Variants in CHRNE observed in about 807,000 individuals in gnomAD.
CHRNE encodes the protein acetylcholine receptor subunit epsilon.
In CHRNE, 58 loss-of-function variants were observed where a neutral mutation model predicts 56.5. The observed-to-expected ratio is 1.03, with a 90% CI of 0.83 to 1.28. The LOEUF (loss-of-function observed/expected upper bound fraction) is 1.28. Among genes scored for constraint, CHRNE ranks in the 50% most tolerant of loss-of-function variants. The pLI is 0.00. For synonymous variants in CHRNE, 385 were observed against 297.9 expected, an observed-to-expected ratio of 1.29 and a Z score of -3.01; for missense variants, 793 against 688.9, an observed-to-expected ratio of 1.15 and a Z score of -1.69.
rs755161498 is a variant in CHRNE, at chr17:4,903,042, C to T, written c.22G>A (p.Val8Ile). The change falls in exon 1 of 12, where the codon GTC becomes ATC. Residue 8 changes from valine (V) to isoleucine (I), a missense_variant. Physicochemically the swap from Val to Ile is conservative, Grantham distance 29. Transcript: ENST00000649488. MARAPLGVLLLLGLLGRG... is the reference protein window; with the variant it reads MARAPLGILLLLGLLGRG... Reference sequence around the variant, plus strand: ...CCGAGAAGCCCCAAGAGGAGCAGGACCCCAAGCGGAGCCCTTGCCATCCTG... The same window carrying T: ...CCGAGAAGCCCCAAGAGGAGCAGGATCCCAAGCGGAGCCCTTGCCATCCTG... 1 of 1,614,018 alleles carries T rather than the reference C, an allele frequency of 6.2e-7. No individual in the cohort carries two copies. The highest frequency in any genetic ancestry group is 1.1e-5 in the South Asian group (1 of 91,056).
In CHRNE at chr17:4,901,124, T is replaced by G. The variant is rs1308100008; in HGVS notation, c.668A>C (p.Asp223Ala). 6.2e-7 allele frequency: 1 copy of G among 1,612,640 alleles called. No homozygotes were observed. The highest frequency in any genetic ancestry group is 8.5e-7 in the Non-Finnish European group (1 of 1,179,894). ...VIRRHHGGAT[D>A]GPGETDVIYS... The stretch of plus-strand genomic sequence containing the variant: ...GATGACGTCAGTCTCCCCTGGGCCG[T>G]CGGTGGCGCCACCGTGGTGGCGGCG... Residue 223 changes from aspartate to alanine, a missense_variant, in exon 7 of 12, where the codon GAC (aspartate) becomes GCC (alanine). By Grantham distance (126) the Asp-to-Ala change is moderately radical. Coordinates refer to ENST00000649488, the MANE Select transcript of CHRNE (RefSeq NM_000080.4).
At position 4,902,203 on chromosome 17, in the gene CHRNE, G is replaced by C; in HGVS notation, c.344+14C>G. ...CCGGCTTCCCTCCAGCCTGGCGTCT[G>C]GCCCGGTTCTCACTTGTTTTCCAGC... is the stretch of plus-strand genomic sequence containing the variant. On this transcript the variant is annotated intron_variant, in intron 4 of 11. Coordinates refer to ENST00000649488, the MANE Select transcript of CHRNE (RefSeq NM_000080.4). The surrounding 1 kb of genome is among the most constrained non-coding windows in gnomAD (Gnocchi z 4.0). The C allele has an allele frequency of 1.2e-6, 2 of 1,613,816 alleles. No individual in the cohort carries two copies. Among genetic ancestry groups the C allele is most frequent in the Non-Finnish European group, 1.7e-6 (2 of 1,179,858 alleles).
intron 8 of CHRNE, 62 bp from the exon 9 acceptor site, chr17:4,899,644 G>T (rs947375390): frequency 7.5e-6 from 11 of 1,461,860 alleles, no homozygotes; most frequent in Non-Finnish European, 1.0e-5. Flanking sequence ...GGCGCCGCGC[G>T]CTGACCTCAC....
Position 4,902,857 on chromosome 17 carries a change from A to G in CHRNE, c.47-94T>C. The G allele has an allele frequency of 6.3e-7, 1 of 1,589,968 alleles. No homozygotes were observed. On this transcript the variant is annotated intron_variant, in intron 1 of 11. Coordinates refer to ENST00000649488, the MANE Select transcript of CHRNE (RefSeq NM_000080.4). The surrounding 1 kb of genome is among the most constrained non-coding windows in gnomAD (Gnocchi z 4.0). The stretch of plus-strand genomic sequence containing the variant: ...TCCCCTGGGTCCTCACAGGCCTCTG[A>G]GGCTGTGTACTATCAGTATCTGTCT...
At position 4,902,654 on chromosome 17, in the gene CHRNE, G is replaced by T. The variant is rs1465162373; in HGVS notation, c.156C>A (p.Ser52Arg). The stretch of plus-strand genomic sequence containing the variant: ...TGAGATTCGTCAGGGTGACCTTGAG[G>T]CTGATGGTGACAGTATCCTCAGGCT... ...VREPEDTVTI[S>R]LKVTLTNLIS... Residue 52 changes from serine to arginine, a missense_variant, in exon 2 of 12, where the codon AGC becomes AGA. Coordinates refer to ENST00000649488, the MANE Select transcript of CHRNE (RefSeq NM_000080.4). The surrounding 1 kb of genome is among the most constrained non-coding windows in gnomAD (Gnocchi z 4.0). 6.2e-7 allele frequency: 1 copy of T among 1,614,054 alleles called. No individual in the cohort carries two copies. Among genetic ancestry groups the T allele is most frequent in the Non-Finnish European group, 8.5e-7 (1 of 1,179,988 alleles).
upstream of CHRNE, among the ~76,000 whole-genome samples, chr17:4,904,242 A>G (rs568743433): frequency 1.3e-5 from 2 of 151,880 alleles, no homozygotes; most frequent in Admixed American, 1.3e-4. Context: ...TGTCACCCAG[A>G]CAGGAGTACA....
At chr17:4,900,931 G>C (rs761293676) in intron 7 of CHRNE, 24 bp from the exon 8 acceptor site, 16 of 1,613,924 alleles carry the variant, frequency 9.9e-6, no homozygotes, top group Non-Finnish European at 1.2e-5. Context: ...CAGTGAGAGC[G>C]GGCCCCGCCT....
At position 4,898,302 on chromosome 17, in the gene CHRNE, G is replaced by C. The variant is rs77966333; in HGVS notation, c.*434C>G. 1.4e-5 allele frequency: 4 copies of C among 278,666 alleles called. No homozygotes were observed. Among genetic ancestry groups the C allele is most frequent in the African/African-American group, 2.2e-5 (1 of 45,386 alleles). The allele number at this position is 278,666 out of a possible 1,614,324, so 17.3% of individuals were successfully genotyped here. Reference sequence around the variant, plus strand: ...CACTGAAGGTGTTTGGTTCCCACCCGCTCCAGCAGAGCCAGACCAGGGAAG... The same window carrying C: ...CACTGAAGGTGTTTGGTTCCCACCCCCTCCAGCAGAGCCAGACCAGGGAAG... On this transcript the variant is annotated 3_prime_UTR_variant, in exon 12 of 12. Transcript: ENST00000649488.
At chr17:4,899,730 A>G in intron 8 of CHRNE, 148 bp from the exon 9 acceptor site, 3 of 1,542,244 alleles carry the variant, frequency 1.9e-6, no homozygotes, top group Non-Finnish European at 2.6e-6. Context: ...CGCGTCCCCC[A>G]GCCCTTCTCC....
chr17:4,898,916 TAA>T (rs1441774413), intron 11 of CHRNE, 25 bp from the exon 12 acceptor site: 2 of 1,569,922 alleles, frequency 1.3e-6, no homozygotes, highest in South Asian at 2.3e-5. Context: ...GCACAGTCAG[TAA>T]AGAGGCAGCT....
rs1336284577 is a variant in CHRNE at position 4,901,528 on chromosome 17, T to C, written c.598A>G (p.Thr200Ala). 9.3e-6 allele frequency: 15 copies of C among 1,613,860 alleles called. No homozygotes were observed. In the African/African-American group the frequency reaches 1.6e-4, roughly 17 times the overall value. ...NKIDIDTEAY[T>A]ENGEWAIDFC... ...TCTGAGCAGGCAGGGGCTTCACCAG[T>C]ATAGGCCTCTGTGTCGATGTCGATC... Residue 200 changes from threonine to alanine, a missense_variant, in exon 6 of 12, where the codon ACT becomes GCT. Coordinates refer to ENST00000649488, the MANE Select transcript of CHRNE (RefSeq NM_000080.4).
chr17:4,901,871 CCCGCCCCATAAGG>C, intron 5 of CHRNE, 48 bp downstream of exon 5: 13 of 1,494,820 alleles, frequency 8.7e-6, no homozygotes, highest in African/African-American at 1.4e-5. Context: ...CCCGGTTGGC[CCCGCCCCATAAGG>C]CCCCCCCCCA....
At chr17:4,899,630 C>G (rs1404591514) in intron 8 of CHRNE, 48 bp from the exon 9 acceptor site, 7 of 1,487,064 alleles carry the variant, frequency 4.7e-6, no homozygotes, top group Middle Eastern at 3.7e-4. Context: ...TCCCAGCTAC[C>G]GAAGGCGCCG....
Position 4,898,683 on chromosome 17 carries a change from T to C in CHRNE, c.*53A>G. 1 of 1,580,544 alleles carries C rather than the reference T, an allele frequency of 6.3e-7. No individual in the cohort carries two copies. The highest frequency in any genetic ancestry group is 1.2e-5 in the South Asian group (1 of 86,576). On this transcript the variant is annotated 3_prime_UTR_variant, in exon 12 of 12. Coordinates refer to ENST00000649488, the MANE Select transcript of CHRNE (RefSeq NM_000080.4). ...ATGCCGTGGTGGCGGCAGCCTACTT[T>C]TTCAAAATCAATTTCCTACTGGAGA... is the stretch of plus-strand genomic sequence containing the variant.
rs534347172 is a variant in CHRNE, at chr17:4,900,703, G to A, written c.917+90C>T. ...CCGAATAAAGCCCAGGGCGGGGCGA[G>A]ACAGCCAGAGCTTTTCCCGGGGTCT... is the stretch of plus-strand genomic sequence containing the variant. On this transcript the variant is annotated intron_variant, in intron 8 of 11. Transcript: ENST00000649488. The A allele has an allele frequency of 1.6e-5, 24 of 1,476,070 alleles. No homozygotes were observed. In the African/African-American group the frequency reaches 3.2e-4, roughly 20 times the overall value. 91.4% of individuals were successfully genotyped at this position (1,476,070 alleles called of 1,614,324 possible). A position where few individuals can be genotyped will look rare whatever the true frequency, so the allele number is the denominator to read the frequency against.
At chr17:4,900,527 G>A in intron 8 of CHRNE, 1 of 1,550,796 alleles carries the variant, frequency 6.4e-7, no homozygotes, top group Non-Finnish European at 8.7e-7. Flanking sequence ...GACACGGGGT[G>A]AGTTAGGGGC....
rs958190024 is a variant in CHRNE at position 4,899,519 on chromosome 17, G to A, written c.981C>T (p.Asn327=). ...LIVMNCVIVL[N]VSQRTPTTHA... is the part of the protein sequence containing the mutation. ...GGGTGGTGGGCGTCCGCTGGGACACGTTGAGCACGATGACGCAATTCATGA... is the reference window on the plus strand; with the variant it reads ...GGGTGGTGGGCGTCCGCTGGGACACATTGAGCACGATGACGCAATTCATGA... Residue 327 remains asparagine, a synonymous_variant, in exon 9 of 12, where the codon AAC becomes AAT. Coordinates refer to ENST00000649488, the MANE Select transcript of CHRNE (RefSeq NM_000080.4). 11 of 1,604,726 alleles carry A rather than the reference G, an allele frequency of 6.9e-6. No individual in the cohort carries two copies. Among genetic ancestry groups the A allele is most frequent in the Non-Finnish European group, 9.3e-6 (11 of 1,176,902 alleles).
upstream of CHRNE, among the ~76,000 whole-genome samples, chr17:4,907,172 TA>T (rs958335227): frequency 1.3e-5 from 2 of 149,666 alleles, no homozygotes; most frequent in African/African-American, 2.5e-5. Context: ...TTGTACATGT[TA>T]AAAAAAACTT....
intron 8 of CHRNE, chr17:4,900,535 G>T (rs1386408129): frequency 5.8e-6 from 9 of 1,550,650 alleles, no homozygotes; most frequent in Non-Finnish European, 8.7e-7. Context: ...GTGAGTTAGG[G>T]GCCAGAGGCG....
Sources: gnomAD v4.1 joint callset for allele counts (sites outside exome capture counted in the v4.1 genomes callset) on GRCh38, gnomAD v4.1.1 for gene constraint, Gnocchi (gnomAD v3.1) non-coding constraint, MANE v1.5 for transcripts, NCBI Gene and HGNC (gene_info 2026-07-23, HGNC 2026-07-21) for gene names.